PNMA6E: variants seen among roughly 807,000 people sequenced by gnomAD.
PNMA6E encodes PNMA family member 6E.
For missense variants in PNMA6E, 78 were observed against 50.8 expected, an observed-to-expected ratio of 1.53 and a Z score of -1.63; for synonymous variants, 43 against 17.1, an observed-to-expected ratio of 2.52 and a Z score of -3.74.
At chrX:153,402,890 C>T (rs782677431), upstream of PNMA6E, among the ~76,000 whole-genome samples, 11 of 112,758 alleles carry the variant, frequency 9.8e-5, no homozygotes, top group Non-Finnish European at 2.1e-4. Context: ...TCCATTACTT[C>T]TGATGAGAAT....
intron 1 of PNMA6E, 96 bp downstream of exon 1, chrX:153,401,148 C>G (rs1389509805): frequency 9.3e-6 from 1 of 106,975 alleles, no homozygotes; most frequent in African/African-American, 3.4e-5. Context: ...ACCGCCTGCC[C>G]CCCCCCCACA....
Position 153,397,321 on chromosome X carries a change from G to A in PNMA6E, c.1529C>T (p.Ala510Val). 3.4e-6 allele frequency: 1 copy of A among 297,981 alleles called. No individual in the cohort carries two copies. Among genetic ancestry groups the A allele is most frequent in the Non-Finnish European group, 5.9e-6 (1 of 170,328 alleles). The allele number at this position is 297,981 out of a possible 1,213,427, so 24.6% of individuals were successfully genotyped here. ...AGCTGGGTCTTCACTCTCCACTGGG[G>A]CCGCTGCCCAGGCCACACCCTGCTG... ...RSQQGVAWAA[A>V]PVESEDPAAA... The change falls in exon 2 of 2, where the codon GCC (alanine) becomes GTC (valine). Residue 510 changes from alanine to valine, a missense_variant. By Grantham distance (64) the Ala-to-Val change is moderately conservative. Transcript: ENST00000445091.
chrX:153,412,203 T>A, the PNMA6E span, among the ~76,000 whole-genome samples: 4 of 112,164 alleles, frequency 3.6e-5, no homozygotes, highest in East Asian at 1.1e-3. Flanking sequence ...ACCAGGTGAC[T>A]GGCATGCCAC....
chrX:153,406,728 T>G, the PNMA6E span, among the ~76,000 whole-genome samples: 1 of 112,959 alleles, frequency 8.9e-6, no homozygotes, highest in Admixed American at 9.3e-5. Context: ...CATTGCATTC[T>G]AAAGAGTTAT....
chrX:153,409,537 T>C, the PNMA6E span, among the ~76,000 whole-genome samples: 36 of 113,030 alleles, frequency 3.2e-4, no homozygotes, highest in African/African-American at 1.1e-3. Context: ...GGAAGGGAGA[T>C]TGATCTCCCG....
the PNMA6E span, among the ~76,000 whole-genome samples, chrX:153,411,711 G>C: frequency 8.8e-6 from 1 of 113,012 alleles, no homozygotes; most frequent in Non-Finnish European, 1.9e-5. Flanking sequence ...CAGGTAAGAG[G>C]GCCGAGCTGG....
the PNMA6E span, among the ~76,000 whole-genome samples, chrX:153,408,678 G>A: frequency 8.9e-6 from 1 of 111,857 alleles, no homozygotes; most frequent in African/African-American, 3.3e-5. Flanking sequence ...GCAGGGGGGC[G>A]GAGGCAGGAG....
At chrX:153,402,070 G>A (rs988884119), upstream of PNMA6E, among the ~76,000 whole-genome samples, 3 of 110,665 alleles carry the variant, frequency 2.7e-5, no homozygotes, top group Admixed American at 9.6e-5. Context: ...TGATCCGCCC[G>A]CCTCGGCCTC....
chrX:153,397,380 C>G lies in PNMA6E; in HGVS notation c.1470G>C (p.Glu490Asp), dbSNP rs919445092. ...GFLGLLRLIR[E>D]MEAWAAFPAR... ...CTGGGAAGGCTGCCCATGCCTCCAT[C>G]TCCCGGATGAGCCGGAGCAGCCCCA... The change falls in exon 2 of 2, where the codon GAG becomes GAC. Residue 490 changes from glutamate (E) to aspartate (D), a missense_variant. Physicochemically the swap from Glu to Asp is conservative, Grantham distance 45. Coordinates refer to ENST00000445091, the MANE Select transcript of PNMA6E (RefSeq NM_001367770.1). 3.0e-5 allele frequency: 9 copies of G among 297,399 alleles called. No homozygotes were observed. The highest frequency in any genetic ancestry group is 5.4e-5 in the African/African-American group (2 of 36,889). The allele number at this position is 297,399 out of a possible 1,213,427, so 24.5% of individuals were successfully genotyped here. A position where few individuals can be genotyped will look rare whatever the true frequency, so the allele number is the denominator to read the frequency against.
the PNMA6E span, among the ~76,000 whole-genome samples, chrX:153,409,080 C>A: frequency 8.9e-6 from 1 of 112,966 alleles, no homozygotes; most frequent in African/African-American, 3.2e-5. Context: ...CTGGCGGGTG[C>A]CCACGGCACA....
upstream of PNMA6E, among the ~76,000 whole-genome samples, chrX:153,403,080 C>T (rs781852481): frequency 5.2e-4 from 58 of 112,382 alleles, no homozygotes; most frequent in Non-Finnish European, 9.4e-4. Flanking sequence ...TGTCTATCTC[C>T]AAATTTTGGA....
At chrX:153,408,670 A>AG in the PNMA6E span, among the ~76,000 whole-genome samples, 1 of 111,792 alleles carries the variant, frequency 8.9e-6, no homozygotes, top group Non-Finnish European at 1.9e-5. Context: ...CTTTTCTGGC[A>AG]GGGGGGCGGA....
chrX:153,398,828 C>A lies in PNMA6E; in HGVS notation c.22G>T (p.Asp8Tyr). 3.3e-6 allele frequency: 1 copy of A among 300,104 alleles called. No individual in the cohort carries two copies. Among genetic ancestry groups the A allele is most frequent in the South Asian group, 1.9e-4 (1 of 5,183 alleles). 24.7% of individuals were successfully genotyped at this position (300,104 alleles called of 1,213,427 possible). Residue 8 changes from aspartate (D) to tyrosine (Y), a missense_variant, in exon 2 of 2, where the codon GAC (aspartate) becomes TAC (tyrosine). Physicochemically the swap from Asp to Tyr is radical, Grantham distance 160 (BLOSUM62 -3). Coordinates refer to ENST00000445091, the MANE Select transcript of PNMA6E (RefSeq NM_001367770.1). MALAMLRDWCRWMGANAE... is the reference protein window; with the variant it reads MALAMLRYWCRWMGANAE... Reference sequence around the variant, plus strand: ...TTCGCACCCATCCACCTGCACCAGTCCCGAAGCATCGCCAGAGCCATCGCA... The same window carrying A: ...TTCGCACCCATCCACCTGCACCAGTACCGAAGCATCGCCAGAGCCATCGCA...
At chrX:153,410,222 G>C in the PNMA6E span, among the ~76,000 whole-genome samples, 2 of 111,415 alleles carry the variant, frequency 1.8e-5, no homozygotes, top group Admixed American at 9.4e-5. Context: ...CCTTGGATTT[G>C]GGGCCCCCTG....
chrX:153,410,356 G>T, the PNMA6E span, among the ~76,000 whole-genome samples: 3 of 111,728 alleles, frequency 2.7e-5, no homozygotes, highest in Non-Finnish European at 5.7e-5. Context: ...TCTTTCAAGG[G>T]GCACCAACCA....
chrX:153,396,759 G>T lies in PNMA6E; in HGVS notation c.*147C>A. 2 of 295,638 alleles carry T rather than the reference G, an allele frequency of 6.8e-6. No homozygotes were observed. Among genetic ancestry groups the T allele is most frequent in the Non-Finnish European group, 5.9e-6 (1 of 169,343 alleles). 24.4% of individuals were successfully genotyped at this position (295,638 alleles called of 1,213,427 possible). On this transcript the variant is annotated 3_prime_UTR_variant, in exon 2 of 2. Coordinates refer to ENST00000445091, the MANE Select transcript of PNMA6E (RefSeq NM_001367770.1). ...CGTGGTCATCCGGGTCACAGGGAAGGAATGGGGGTGGTGGCCAGAGCCCCT... is the reference window on the plus strand; with the variant it reads ...CGTGGTCATCCGGGTCACAGGGAAGTAATGGGGGTGGTGGCCAGAGCCCCT...
chrX:153,396,712 C>G lies in PNMA6E; in HGVS notation c.*194G>C, dbSNP rs2088809609. The G allele has an allele frequency of 3.5e-6, 1 of 282,970 alleles. No homozygotes were observed. The highest frequency in any genetic ancestry group is 6.2e-6 in the Non-Finnish European group (1 of 161,166). 23.3% of individuals were successfully genotyped at this position (282,970 alleles called of 1,213,427 possible). ...TGCAAGGGAGCGGGGGGGCGCCTCT[C>G]CCCACCCCATTTTGTATCAAACGTG... On this transcript the variant is annotated 3_prime_UTR_variant, in exon 2 of 2. Coordinates refer to ENST00000445091, the MANE Select transcript of PNMA6E (RefSeq NM_001367770.1).
the PNMA6E span, among the ~76,000 whole-genome samples, chrX:153,406,852 C>T: frequency 5.4e-5 from 6 of 112,141 alleles, no homozygotes; most frequent in African/African-American, 1.9e-4. Flanking sequence ...ACATCAAGGA[C>T]AGTGTCATGG....
At position 153,398,018 on chromosome X, in the gene PNMA6E, C is replaced by CTGCG; in HGVS notation, c.831_832insCGCA (p.Gly278ArgfsTer3). 1 of 444,791 alleles carries CTGCG rather than the reference C, an allele frequency of 2.2e-6. No individual in the cohort carries two copies. The highest frequency in any genetic ancestry group is 3.4e-5 in the South Asian group (1 of 29,097). The allele number at this position is 444,791 out of a possible 1,213,427, so 36.7% of individuals were successfully genotyped here. ...GCCTCACCTGCAGCTCCTGCCTCAC[C>CTGCG]CACAGCTCCTGCCTCACCTGCTGCT... On this transcript the variant is annotated frameshift_variant, in exon 2 of 2. Coordinates refer to ENST00000445091, the MANE Select transcript of PNMA6E (RefSeq NM_001367770.1). LOFTEE classifies it low-confidence loss of function (END_TRUNC).
Sources: gnomAD v4.1 joint callset for allele counts (sites outside exome capture counted in the v4.1 genomes callset) on GRCh38, gnomAD v4.1.1 for gene constraint, MANE v1.5 for transcripts, NCBI Gene and HGNC (gene_info 2026-07-23, HGNC 2026-07-21) for gene names.